Variants in SATL1 observed in about 807,000 individuals in gnomAD.
SATL1 encodes the protein spermidine/spermine N1-acetyl transferase like 1, also known as spermidine/spermine N(1)-acetyltransferase-like protein 1.
In SATL1, 47 loss-of-function variants were observed where a neutral mutation model predicts 51.8. That is an observed-to-expected ratio of 0.91 (90% CI 0.72 to 1.16). The LOEUF is 1.16. SATL1 is among the 50% of genes most tolerant of loss of function. SATL1 has a pLI of 0.00. For synonymous variants in SATL1, 176 were observed against 182.4 expected, an observed-to-expected ratio of 0.97 and a Z score of 0.28; for missense variants, 520 against 526.4, an observed-to-expected ratio of 0.99 and a Z score of 0.12.
intron 2 of SATL1, among the ~76,000 whole-genome samples, chrX:85,166,945 G>A (rs867048921): frequency 0.07 from 5,086 of 72,474 alleles, 197 homozygotes; most frequent in African/African-American, 0.21. Context: ...ATGTGTATGT[G>A]TGTGTGTGTG....
intron 2 of SATL1, among the ~76,000 whole-genome samples, chrX:85,121,365 G>GTATATAAA (rs1304512476): frequency 5.8e-5 from 6 of 103,118 alleles, no homozygotes; most frequent in Admixed American, 2.2e-4. Context: ...ATATATGTAT[G>GTATATAAA]TATATAAATA....
chrX:85,189,163 T>C (rs1211680224), intron 2 of SATL1, among the ~76,000 whole-genome samples: 1 of 111,997 alleles, frequency 8.9e-6, no homozygotes, highest in African/African-American at 3.2e-5. Context: ...TCTTAAAATT[T>C]TCTTCTACCC....
At chrX:85,197,806 G>A (rs1215409436) in intron 2 of SATL1, among the ~76,000 whole-genome samples, 1 of 109,949 alleles carries the variant, frequency 9.1e-6, no homozygotes, top group Non-Finnish European at 1.9e-5. Flanking sequence ...TTTCATCCAT[G>A]TCCCTACAAA....
At position 85,145,060 on chromosome X, in the gene SATL1, A is replaced by AAAAT. The variant is rs1331551479; in HGVS notation, c.-312-35784_-312-35781dup. ...CAAAAAAAAATAAAATAAATAAAAT[A>AAAAT]AAATAAAAAAGAGAGCAAGAGATGT... On this transcript the variant is annotated intron_variant, in intron 2 of 7. Transcript: ENST00000644105. 5.4e-5 allele frequency among the ~76,000 whole-genome samples: 6 copies of AAAAT among 110,741 alleles called. No homozygotes were observed. The East Asian group carries it at 1.7e-3, about 31-fold the overall frequency.
chrX:85,222,646 C>T (rs1450293514), intron 2 of SATL1, among the ~76,000 whole-genome samples: 1 of 111,588 alleles, frequency 9.0e-6, no homozygotes. Context: ...TTGATTCCTA[C>T]ATCTATCTCA....
chrX:85,209,126 G>C (rs1927852520), intron 2 of SATL1: 1 of 111,999 alleles, frequency 8.9e-6, no homozygotes, highest in African/African-American at 3.2e-5. Context: ...AGTTTTCCCA[G>C]CAACATTTAT....
At chrX:85,151,809 A>G (rs1358985173) in intron 2 of SATL1, among the ~76,000 whole-genome samples, 2 of 111,940 alleles carry the variant, frequency 1.8e-5, no homozygotes, top group Non-Finnish European at 3.8e-5. Flanking sequence ...CTTATACAAA[A>G]ATCAATTCAA....
At chrX:85,120,218 C>A in intron 2 of SATL1, among the ~76,000 whole-genome samples, 1 of 110,960 alleles carries the variant, frequency 9.0e-6, no homozygotes, top group Non-Finnish European at 1.9e-5. Context: ...CAGCTGTGAC[C>A]CCAGAGAAAT....
At chrX:85,176,420 G>C (rs181601666) in intron 2 of SATL1, among the ~76,000 whole-genome samples, 271 of 111,416 alleles carry the variant, frequency 2.4e-3, no homozygotes, top group African/African-American at 7.7e-3. Context: ...TTTTATTGCA[G>C]TATAAATTGC....
chrX:85,135,292 CA>C (rs1489952623), intron 2 of SATL1, among the ~76,000 whole-genome samples: 1 of 110,405 alleles, frequency 9.1e-6, no homozygotes, highest in Non-Finnish European at 1.9e-5. Context: ...ACCTATGTAA[CA>C]AACCTGCACA....
chrX:85,185,821 C>G (rs1004408979), intron 2 of SATL1, among the ~76,000 whole-genome samples: 6 of 110,531 alleles, frequency 5.4e-5, no homozygotes, highest in Non-Finnish European at 9.5e-5. Context: ...GCTCTACCCC[C>G]CTGTGGCCAA....
chrX:85,095,107 G>T, intron 4 of SATL1, 111 bp from the exon 5 acceptor site: 1 of 481,180 alleles, frequency 2.1e-6, no homozygotes, highest in Non-Finnish European at 3.7e-6. Flanking sequence ...CAATTGTATT[G>T]GCGGAAACTG....
intron 2 of SATL1, among the ~76,000 whole-genome samples, chrX:85,148,168 G>A (rs1463897904): frequency 2.5e-4 from 28 of 111,821 alleles, no homozygotes; most frequent in African/African-American, 8.5e-4. Context: ...CGAGAACTAC[G>A]TGAAGAATGC....
At chrX:85,115,585 C>CA (rs1221784079) in intron 2 of SATL1, among the ~76,000 whole-genome samples, 1 of 111,783 alleles carries the variant, frequency 8.9e-6, no homozygotes, top group African/African-American at 3.3e-5. Flanking sequence ...GCTCTGGGTG[C>CA]AAAAATAACA....
Position 85,150,747 on chromosome X carries a change from G to C in SATL1, c.-312-41467C>G, listed in dbSNP as rs1361157573. 1.2e-3 allele frequency among the ~76,000 whole-genome samples: 136 copies of C among 109,667 alleles called. 1 individual carries two copies. The East Asian group carries it at 0.026, about 21-fold the overall frequency. On this transcript the variant is annotated intron_variant, in intron 2 of 7. Coordinates refer to ENST00000644105, the MANE Select transcript of SATL1 (RefSeq NM_001367857.2). The stretch of plus-strand genomic sequence containing the variant: ...TTATCTCAATAGATGCAGAAAAGGC[G>C]TTTGACAAAATTCAACAACCCTTCA...
At chrX:85,163,369 G>C (rs1048819323) in intron 2 of SATL1, among the ~76,000 whole-genome samples, 8 of 110,568 alleles carry the variant, frequency 7.2e-5, no homozygotes, top group Middle Eastern at 4.3e-3. Context: ...TTCTATTTGT[G>C]CCCCTTCAGA....
chrX:85,185,058 C>T (rs1324937248), intron 2 of SATL1, among the ~76,000 whole-genome samples: 4 of 112,397 alleles, frequency 3.6e-5, no homozygotes, highest in African/African-American at 1.3e-4. Flanking sequence ...GGGGTCAGCC[C>T]AAGCCCATAA....
chrX:85,155,685 C>G (rs1926570426), intron 2 of SATL1, among the ~76,000 whole-genome samples: 1 of 110,993 alleles, frequency 9.0e-6, no homozygotes, highest in Non-Finnish European at 1.9e-5. Flanking sequence ...TTTAAATATA[C>G]TCTGGGAGAT....
intron 2 of SATL1, among the ~76,000 whole-genome samples, chrX:85,153,387 G>A (rs1407775460): frequency 9.0e-6 from 1 of 111,652 alleles, no homozygotes. Context: ...TGTAGCCAAA[G>A]TGAATACAGG....
Sources: allele counts gnomAD v4.1 joint callset (sites outside exome capture counted in the v4.1 genomes callset), GRCh38; gene constraint gnomAD v4.1.1; transcripts MANE v1.5; gene names NCBI Gene and HGNC (gene_info 2026-07-23, HGNC 2026-07-21).